Variants in ANLN observed in about 807,000 individuals in gnomAD.
ANLN encodes anillin.
Under a neutral mutation model 135.1 loss-of-function variants are expected in ANLN, and 59 were observed. The ratio of observed to expected loss-of-function variants is 0.44; its 90% CI spans 0.35 to 0.54. The LOEUF (loss-of-function observed/expected upper bound fraction) is 0.54. ANLN is among the 20% of genes least tolerant of loss of function. The probability of loss-of-function intolerance (pLI) is 0.00; values close to 1 mark genes in which losing one functional copy is unlikely to be tolerated. For synonymous variants in ANLN, 406 were observed against 456.4 expected (o/e 0.89, Z 1.41); for missense variants, 1,182 against 1,340.0 (o/e 0.88, Z 1.84).
At chr7:36,428,131 G>A (rs1788162553) in intron 20 of ANLN, among the ~76,000 whole-genome samples, 1 of 152,092 alleles carries the variant, frequency 6.6e-6, no homozygotes, top group Admixed American at 6.5e-5. Flanking sequence ...CTTTCTTTTA[G>A]TTGATGGACA....
intron 1 of ANLN, among the ~76,000 whole-genome samples, chr7:36,394,366 C>G (rs1295164677): frequency 2.6e-5 from 4 of 152,078 alleles, no homozygotes; most frequent in African/African-American, 9.7e-5. Context: ...CTGGGGTCCC[C>G]TTCATCAAGA....
rs752771629 is a variant in ANLN at position 36,407,771 on chromosome 7, C to T, written c.911C>T (p.Thr304Ile). The T allele has an allele frequency of 1.2e-6, 2 of 1,613,554 alleles. No homozygotes were observed. The highest frequency in any genetic ancestry group is 2.7e-5 in the African/African-American group (2 of 74,890). ...CCAGTGAAATCTACTACATCTATCA[C>T]TGATGCTAAAAGTTGTGAGGGACAA... ...TSPVKSTTSI[T>I]DAKSCEGQNP... The change falls in exon 5 of 24, where the codon ACT becomes ATT. Residue 304 changes from threonine to isoleucine, a missense_variant. Physicochemically the swap from Thr to Ile is moderately conservative, Grantham distance 89 (BLOSUM62 -1). Around this residue, in one of 3 missense-constraint regions of ANLN, gnomAD observed 1,022 missense variants for 1,134.0 expected, o/e 0.90. Transcript: ENST00000265748.
At position 36,453,631 on chromosome 7, in the gene ANLN, A is replaced by T. The variant is rs926305239; in HGVS notation, c.*1031A>T. ...AAATACACTTTGAACTTCTTCTCTG[A>T]ATTATTAAAGTTCTTTATGACCTCA... On this transcript the variant is annotated 3_prime_UTR_variant, in exon 24 of 24. Transcript: ENST00000265748. The T allele has an allele frequency of 2.6e-5, 4 of 152,480 alleles. No homozygotes were observed. Among genetic ancestry groups the T allele is most frequent in the Admixed American group, 1.3e-4 (2 of 15,268 alleles). 9.4% of individuals were successfully genotyped at this position (152,480 alleles called of 1,614,324 possible).
In ANLN at chr7:36,429,332, T is replaced by C. The variant is rs146558743; in HGVS notation, c.2883+2304T>C. On this transcript the variant is annotated intron_variant, in intron 20 of 23. Coordinates refer to ENST00000265748, the MANE Select transcript of ANLN (RefSeq NM_018685.5). ...ATCTCCCAGGTTCAAGCAATTCTCA[T>C]GCCTCAGCCTCCTGAGTAGCTGGGA... Among the ~76,000 whole-genome samples, 1,133 of 152,268 alleles carry C rather than the reference T, an allele frequency of 7.4e-3. 45 individuals carry two copies. The highest frequency in any genetic ancestry group is 0.064 in the Admixed American group (974 of 15,290).
chr7:36,438,064 C>T (rs1165462635), intron 20 of ANLN, among the ~76,000 whole-genome samples: 1 of 152,210 alleles, frequency 6.6e-6, no homozygotes, highest in East Asian at 1.9e-4. Context: ...GCTGGGATTA[C>T]AGGCGTGAGC....
chr7:36,448,965 G>T (rs1012710288), intron 22 of ANLN: 7 of 152,180 alleles, frequency 4.6e-5, no homozygotes, highest in African/African-American at 1.7e-4. Context: ...ATAAGAAACT[G>T]TATTACTCAC....
At chr7:36,425,797 C>T in intron 18 of ANLN, 57 bp downstream of exon 18, 3 of 1,538,572 alleles carry the variant, frequency 1.9e-6, no homozygotes, top group Non-Finnish European at 2.7e-6. Context: ...CTTACCCATA[C>T]AGTTTTAAAT....
chr7:36,417,674 C>CTTTTTTTT (rs70977138), intron 9 of ANLN, among the ~76,000 whole-genome samples: 65 of 97,272 alleles, frequency 6.7e-4, no homozygotes, highest in Middle Eastern at 7.6e-3. Flanking sequence ...CTCAAACTTC[C>CTTTTTTTT]TTTTTTTTTT....
intron 20 of ANLN, among the ~76,000 whole-genome samples, chr7:36,427,269 T>C (rs1430871212): frequency 6.6e-6 from 1 of 152,000 alleles, no homozygotes; most frequent in Admixed American, 6.6e-5. Context: ...ATTCTAAGTA[T>C]CACTTCTGAC....
chr7:36,445,619 A>G (rs1169453138), intron 22 of ANLN, among the ~76,000 whole-genome samples: 1 of 152,196 alleles, frequency 6.6e-6, no homozygotes, highest in Non-Finnish European at 1.5e-5. Flanking sequence ...TTGTATACAG[A>G]CAATGCTGCT....
At chr7:36,390,748 T>C (rs1583582611) in intron 1 of ANLN, among the ~76,000 whole-genome samples, 2 of 152,260 alleles carry the variant, frequency 1.3e-5, no homozygotes, top group South Asian at 4.1e-4. Flanking sequence ...ACAGTACTTA[T>C]TTCATCTTTT....
At chr7:36,425,864 G>A in intron 18 of ANLN, 124 bp downstream of exon 18, 1 of 1,145,024 alleles carries the variant, frequency 8.7e-7, no homozygotes, top group South Asian at 1.4e-5. Flanking sequence ...GTACTAATGG[G>A]GGGATATCCC....
intron 20 of ANLN, among the ~76,000 whole-genome samples, chr7:36,429,727 G>C (rs1251515152): frequency 6.6e-6 from 1 of 152,156 alleles, no homozygotes; most frequent in African/African-American, 2.4e-5. Context: ...ACATATGTAA[G>C]AGATTTCATT....
At chr7:36,392,124 TAAAAG>T (rs913028340) in intron 1 of ANLN, among the ~76,000 whole-genome samples, 4 of 152,298 alleles carry the variant, frequency 2.6e-5, no homozygotes, top group Admixed American at 1.3e-4. Context: ...ATAAAAACCT[TAAAAG>T]AGAAAAAGCT....
intron 7 of ANLN, among the ~76,000 whole-genome samples, chr7:36,414,792 CA>C (rs1787572827): frequency 6.6e-6 from 1 of 152,210 alleles, no homozygotes; most frequent in African/African-American, 2.4e-5. Flanking sequence ...ACTTGAGAGA[CA>C]ATAAAGTCTG....
intron 19 of ANLN, 28 bp from the exon 20 acceptor site, chr7:36,426,888 C>G: frequency 6.9e-7 from 1 of 1,449,068 alleles, no homozygotes; most frequent in Non-Finnish European, 9.4e-7. Flanking sequence ...TCATTCTGAA[C>G]TAAACTTAAT....
chr7:36,390,177 G>A, intron 1 of ANLN, 133 bp downstream of exon 1: 3 of 1,482,050 alleles, frequency 2.0e-6, no homozygotes, highest in Middle Eastern at 2.4e-4. Context: ...GTGTGTGCGG[G>A]CCGGGGTCGC....
At chr7:36,422,551 A>G (rs1190737112) in intron 13 of ANLN, 82 bp from the exon 14 acceptor site, 6 of 1,233,852 alleles carry the variant, frequency 4.9e-6, no homozygotes, top group Non-Finnish European at 5.6e-6. Flanking sequence ...TACAGTTTCC[A>G]TATCAGTACA....
intron 22 of ANLN, among the ~76,000 whole-genome samples, chr7:36,447,855 T>C (rs1028124786): frequency 6.6e-6 from 1 of 152,086 alleles, no homozygotes; most frequent in African/African-American, 2.4e-5. Flanking sequence ...TCAACTATGG[T>C]GGACTGTGGG....
Sources: allele counts gnomAD v4.1 joint callset (sites outside exome capture counted in the v4.1 genomes callset), GRCh38; gene constraint gnomAD v4.1.1; regional missense constraint gnomAD v4.1.1; transcripts MANE v1.5; gene names NCBI Gene and HGNC (gene_info 2026-07-23, HGNC 2026-07-21).